Variants in SAMTOR observed in about 807,000 individuals in gnomAD.
SAMTOR encodes the protein UPF0532 protein C7orf60.
the SAMTOR span, among the ~76,000 whole-genome samples, chr7:112,920,546 G>A: frequency 1.1e-4 from 16 of 149,504 alleles, no homozygotes; most frequent in Admixed American, 2.0e-4. Context: ...GCACAAGACA[G>A]GGATGCCCTC....
the SAMTOR span, among the ~76,000 whole-genome samples, chr7:112,917,211 G>A: frequency 1.3e-5 from 2 of 152,166 alleles, no homozygotes; most frequent in Non-Finnish European, 2.9e-5. Flanking sequence ...CCCAGTAGGG[G>A]CAGACTGACA....
At chr7:112,832,570 A>G in the SAMTOR span, 1 of 1,582,162 alleles carries the variant, frequency 6.3e-7, no homozygotes, top group South Asian at 1.1e-5. Flanking sequence ...CCTCTACAGC[A>G]GGTACAATAT....
chr7:112,880,765 C>T, the SAMTOR span, among the ~76,000 whole-genome samples: 2 of 152,086 alleles, frequency 1.3e-5, no homozygotes, highest in Admixed American at 6.5e-5. Context: ...TAATATACAA[C>T]GGATTTCAAA....
the SAMTOR span, among the ~76,000 whole-genome samples, chr7:112,829,463 C>A: frequency 1.3e-5 from 2 of 152,096 alleles, no homozygotes; most frequent in African/African-American, 4.8e-5. Context: ...CTGGTATTAT[C>A]TCTATTTTAA....
At chr7:112,832,657 T>C in the SAMTOR span, 2 of 1,610,168 alleles carry the variant, frequency 1.2e-6, no homozygotes, top group Non-Finnish European at 8.5e-7. Context: ...ATCTGATTTT[T>C]CCTGAGGCTT....
chr7:112,879,974 T>C, the SAMTOR span, among the ~76,000 whole-genome samples: 2 of 152,170 alleles, frequency 1.3e-5, no homozygotes, highest in Non-Finnish European at 2.9e-5. Context: ...TAAGTAAATC[T>C]TTACTAGTTA....
At chr7:112,827,009 GT>G in the SAMTOR span, among the ~76,000 whole-genome samples, 1 of 152,138 alleles carries the variant, frequency 6.6e-6, no homozygotes, top group Non-Finnish European at 1.5e-5. Context: ...GTTTAGGATT[GT>G]TATGTACTCT....
At chr7:112,936,019 T>A in the SAMTOR span, among the ~76,000 whole-genome samples, 3 of 152,214 alleles carry the variant, frequency 2.0e-5, no homozygotes, top group East Asian at 3.8e-4. Context: ...CTAGTTTTTT[T>A]AATTAAAAAG....
At chr7:112,926,609 T>A in the SAMTOR span, among the ~76,000 whole-genome samples, 2 of 152,194 alleles carry the variant, frequency 1.3e-5, no homozygotes, top group African/African-American at 2.4e-5. Flanking sequence ...TTGATGTGAT[T>A]CATAAAGTGA....
the SAMTOR span, among the ~76,000 whole-genome samples, chr7:112,903,270 T>C: frequency 6.6e-6 from 1 of 150,672 alleles, no homozygotes; most frequent in South Asian, 2.1e-4. Flanking sequence ...CCAGATCGTA[T>C]CACTGCACTC....
the SAMTOR span, among the ~76,000 whole-genome samples, chr7:112,841,948 A>T: frequency 6.6e-6 from 1 of 152,100 alleles, no homozygotes; most frequent in Non-Finnish European, 1.5e-5. Flanking sequence ...TAAAGACTTA[A>T]ACTTAAGACC....
At chr7:112,925,893 G>A in the SAMTOR span, among the ~76,000 whole-genome samples, 1 of 152,016 alleles carries the variant, frequency 6.6e-6, no homozygotes, top group Non-Finnish European at 1.5e-5. Context: ...GAAGTAGAGA[G>A]AAAGATGGGA....
the SAMTOR span, among the ~76,000 whole-genome samples, chr7:112,852,225 A>C: frequency 2.0e-5 from 3 of 152,294 alleles, no homozygotes; most frequent in Admixed American, 1.3e-4. Context: ...TAAATGGCTA[A>C]ATACAGAAAA....
At chr7:112,833,505 A>G in the SAMTOR span, among the ~76,000 whole-genome samples, 2 of 152,158 alleles carry the variant, frequency 1.3e-5, no homozygotes, top group East Asian at 3.8e-4. Flanking sequence ...ATCATTGCTC[A>G]CTATTACCAT....
the SAMTOR span, chr7:112,915,341 A>C: frequency 1.9e-6 from 3 of 1,613,084 alleles, no homozygotes; most frequent in East Asian, 6.7e-5. Flanking sequence ...CGCCCTCACA[A>C]GTTTTTGCCC....
chr7:112,875,393 A>C, the SAMTOR span, among the ~76,000 whole-genome samples: 1 of 152,104 alleles, frequency 6.6e-6, no homozygotes, highest in African/African-American at 2.4e-5. Context: ...TTTCAGACTG[A>C]ATAACTTTTC....
At chr7:112,852,412 T>C in the SAMTOR span, among the ~76,000 whole-genome samples, 1 of 152,000 alleles carries the variant, frequency 6.6e-6, no homozygotes, top group Non-Finnish European at 1.5e-5. Flanking sequence ...GACAAACACA[T>C]TGACATTGTT....
the SAMTOR span, among the ~76,000 whole-genome samples, chr7:112,923,463 A>G: frequency 6.6e-6 from 1 of 152,176 alleles, no homozygotes; most frequent in East Asian, 1.9e-4. Context: ...GAAACACCCA[A>G]GAATGATCAA....
At chr7:112,822,329 T>A in the SAMTOR span, 2 of 1,610,120 alleles carry the variant, frequency 1.2e-6, no homozygotes, top group East Asian at 4.5e-5. Context: ...CAAGCTGGAG[T>A]GGTTGCTGAA....
Sources: allele counts gnomAD v4.1 joint callset (sites outside exome capture counted in the v4.1 genomes callset), GRCh38; gene constraint gnomAD v4.1.1; transcripts MANE v1.5; gene names NCBI Gene and HGNC (gene_info 2026-07-23, HGNC 2026-07-21).